The following UBR7 variants were observed in gnomAD, a reference collection of about 807,000 sequenced individuals.
UBR7 encodes the protein putative E3 ubiquitin-protein ligase UBR7.
UBR7 carries 22 observed loss-of-function variants against 57.0 expected under a neutral mutation model. That is an observed-to-expected ratio of 0.39 (90% CI 0.28 to 0.55). UBR7 has a LOEUF of 0.55. Among genes scored for constraint, UBR7 ranks in the 20% least tolerant of loss-of-function variants. The pLI is 0.69. For synonymous variants in UBR7, 167 were observed against 179.8 expected, an observed-to-expected ratio of 0.93 and a Z score of 0.57; for missense variants, 395 against 513.2, an observed-to-expected ratio of 0.77 and a Z score of 2.23.
Position 93,218,661 on chromosome 14 carries a change from G to A in UBR7, c.736G>A (p.Asp246Asn), listed in dbSNP as rs149329359. Residue 246 changes from aspartate (D) to asparagine (N), a missense_variant, in exon 7 of 11, where the codon GAT becomes AAT. Asp to Asn is a conservative substitution (Grantham distance 23). Coordinates refer to ENST00000013070, the MANE Select transcript of UBR7 (RefSeq NM_175748.4). ...LKEDVPEQGK[D>N]DVREVKVEQN... ...AGAGGATGTTCCAGAACAGGGAAAG[G>A]ATGATGTCCGGGAGGTTAAAGTAGA... is the stretch of plus-strand genomic sequence containing the variant. The A allele has an allele frequency of 1.2e-4, 196 of 1,614,140 alleles. No homozygotes were observed. Among genetic ancestry groups the A allele is most frequent in the Non-Finnish European group, 1.6e-4 (187 of 1,180,036 alleles).
chr14:93,227,049 G>C lies in UBR7; in HGVS notation c.*14G>C. The C allele has an allele frequency of 6.3e-7, 1 of 1,585,016 alleles. No individual in the cohort carries two copies. Among genetic ancestry groups the C allele is most frequent in the Non-Finnish European group, 8.7e-7 (1 of 1,155,298 alleles). ...TACTGCAGCTAGAGTGGAGTATGAA[G>C]CTTTCTCATTCAAGCCAATGAAAAT... is the stretch of plus-strand genomic sequence containing the variant. On this transcript the variant is annotated 3_prime_UTR_variant, in exon 11 of 11. Coordinates refer to ENST00000013070, the MANE Select transcript of UBR7 (RefSeq NM_175748.4).
chr14:93,224,013 G>C (rs908306527), intron 10 of UBR7: 2 of 808,754 alleles, frequency 2.5e-6, no homozygotes, highest in African/African-American at 3.3e-5. Flanking sequence ...CAGAAGTCCC[G>C]GGACTTGGCG....
intron 1 of UBR7, among the ~76,000 whole-genome samples, 175 bp from the exon 2 acceptor site, chr14:93,209,649 A>G (rs1894438562): frequency 1.3e-5 from 2 of 152,232 alleles, no homozygotes; most frequent in Non-Finnish European, 1.5e-5. Flanking sequence ...GAAACTTGCA[A>G]CGCAACTGTG....
At chr14:93,215,510 G>A (rs900286317) in intron 6 of UBR7, among the ~76,000 whole-genome samples, 2 of 151,940 alleles carry the variant, frequency 1.3e-5, no homozygotes, top group Admixed American at 6.6e-5. Flanking sequence ...CCAACATGGC[G>A]AAACCCCATC....
chr14:93,224,996 A>G (rs1389540019), intron 10 of UBR7, among the ~76,000 whole-genome samples: 2 of 152,212 alleles, frequency 1.3e-5, no homozygotes, highest in African/African-American at 4.8e-5. Flanking sequence ...TTTCATGCAC[A>G]TTGGAGACTT....
At chr14:93,211,626 C>A (rs1380671743) in intron 3 of UBR7, among the ~76,000 whole-genome samples, 1 of 151,920 alleles carries the variant, frequency 6.6e-6, no homozygotes, top group East Asian at 1.9e-4. Flanking sequence ...CTTTGGGAGG[C>A]CTAGGTGGGA....
In UBR7 at chr14:93,228,064, G is replaced by A; in HGVS notation, c.*1029G>A. 1 of 692,774 alleles carries A rather than the reference G, an allele frequency of 1.4e-6. No individual in the cohort carries two copies. Among genetic ancestry groups the A allele is most frequent in the Non-Finnish European group, 2.6e-6 (1 of 380,420 alleles). 42.9% of individuals were successfully genotyped at this position (692,774 alleles called of 1,614,324 possible). A position where few individuals can be genotyped will look rare whatever the true frequency, so the allele number is the denominator to read the frequency against. On this transcript the variant is annotated 3_prime_UTR_variant, in exon 11 of 11. Coordinates refer to ENST00000013070, the MANE Select transcript of UBR7 (RefSeq NM_175748.4). ...AGCTTACTTGAAATAAGCAGGGCAG[G>A]GAGCCCTGTTTTGGAAGAGACAGAC...
intron 9 of UBR7, among the ~76,000 whole-genome samples, chr14:93,220,785 A>G (rs1322475725): frequency 6.6e-6 from 1 of 151,886 alleles, no homozygotes; most frequent in Non-Finnish European, 1.5e-5. Context: ...ACTAGAGGAG[A>G]AAATACCCCC....
chr14:93,212,127 GGTAA>G lies in UBR7; in HGVS notation c.441+2_441+5del. On this transcript the variant is annotated splice_donor_variant and splice_donor_region_variant and intron_variant, in intron 4 of 10. Transcript: ENST00000013070. LOFTEE classifies it high-confidence loss of function. ...GACCTTATCCTGATCCTGAAGACGAGGTAAGAGAATTGGAAGTTAAACCTGGGGG... is the reference window on the plus strand; with the variant it reads ...GACCTTATCCTGATCCTGAAGACGAGGAGAATTGGAAGTTAAACCTGGGGG... 6.2e-7 allele frequency: 1 copy of G among 1,608,864 alleles called. No individual in the cohort carries two copies. The highest frequency in any genetic ancestry group is 8.5e-7 in the Non-Finnish European group (1 of 1,176,630).
intron 10 of UBR7, among the ~76,000 whole-genome samples, chr14:93,226,286 TTC>T (rs1894847005): frequency 1.3e-5 from 2 of 152,220 alleles, no homozygotes; most frequent in African/African-American, 4.8e-5. Flanking sequence ...CTATTTTTCT[TTC>T]TCTTTCCTTC....
At chr14:93,216,052 T>C (rs1233597024) in intron 6 of UBR7, among the ~76,000 whole-genome samples, 1 of 152,174 alleles carries the variant, frequency 6.6e-6, no homozygotes, top group Admixed American at 6.6e-5. Flanking sequence ...CAGTGTTTGG[T>C]TGAGGGCCCA....
Position 93,210,698 on chromosome 14 carries a change from A to C in UBR7, c.335A>C (p.Lys112Thr), listed in dbSNP as rs779746473. Reference sequence around the variant, plus strand: ...AGCAAGTTTAAAAATTTGGAATGCAAATTACTTCCTGTAAGTAAGCACTGT... The same window carrying C: ...AGCAAGTTTAAAAATTTGGAATGCACATTACTTCCTGTAAGTAAGCACTGT... Reference protein sequence around the residue: ...GNSKFKNLECKLLPDKAKVNS... With the variant: ...GNSKFKNLECTLLPDKAKVNS... Residue 112 changes from lysine to threonine, a missense_variant, in exon 3 of 11, where the codon AAA (lysine) becomes ACA (threonine). Lys to Thr is a moderately conservative substitution (Grantham distance 78). Transcript: ENST00000013070. 4 of 1,609,362 alleles carry C rather than the reference A, an allele frequency of 2.5e-6. No individual in the cohort carries two copies. Among genetic ancestry groups the C allele is most frequent in the Non-Finnish European group, 3.4e-6 (4 of 1,177,178 alleles).
At chr14:93,220,767 A>G (rs1198996280) in intron 9 of UBR7, among the ~76,000 whole-genome samples, 2 of 152,130 alleles carry the variant, frequency 1.3e-5, no homozygotes, top group African/African-American at 4.8e-5. Flanking sequence ...AGTGGTTCAC[A>G]GGAAACCACT....
chr14:93,213,940 T>C (rs1894541621), intron 4 of UBR7, among the ~76,000 whole-genome samples: 1 of 152,164 alleles, frequency 6.6e-6, no homozygotes, highest in Non-Finnish European at 1.5e-5. Context: ...TTTTTTCTTT[T>C]TTTTAAGACG....
At chr14:93,211,819 C>CAA (rs199720634) in intron 3 of UBR7, among the ~76,000 whole-genome samples, 1 of 144,784 alleles carries the variant, frequency 6.9e-6, no homozygotes, top group Non-Finnish European at 1.5e-5. Flanking sequence ...CTAATTACCA[C>CAA]AAAAAAAAAC....
At chr14:93,224,013 G>A (rs908306527) in intron 10 of UBR7, 73 of 808,636 alleles carry the variant, frequency 9.0e-5, no homozygotes, top group Admixed American at 2.1e-4. Context: ...CAGAAGTCCC[G>A]GGACTTGGCG....
At chr14:93,226,857 C>A in intron 10 of UBR7, 86 bp from the exon 11 acceptor site, 7 of 790,308 alleles carry the variant, frequency 8.9e-6, no homozygotes, top group Non-Finnish European at 1.1e-5. Context: ...TTAACAGTAT[C>A]ATTTGACTTG....
chr14:93,210,930 G>A (rs1894469608), intron 3 of UBR7, among the ~76,000 whole-genome samples: 1 of 152,194 alleles, frequency 6.6e-6, no homozygotes, highest in Admixed American at 6.5e-5. Context: ...GGGGAGAGAT[G>A]TACTTGAAAG....
intron 9 of UBR7, among the ~76,000 whole-genome samples, chr14:93,221,520 G>T (rs1894706680): frequency 6.6e-6 from 1 of 151,848 alleles, no homozygotes; most frequent in African/African-American, 2.4e-5. Context: ...CTCCCAAAGT[G>T]CTGGGATTAC....
Sources: gnomAD v4.1 joint callset for allele counts (sites outside exome capture counted in the v4.1 genomes callset) on GRCh38, gnomAD v4.1.1 for gene constraint, MANE v1.5 for transcripts, NCBI Gene and HGNC (gene_info 2026-07-23, HGNC 2026-07-21) for gene names.